ZNF441: variants seen among roughly 807,000 people sequenced by gnomAD.
ZNF441 encodes zinc finger protein 441.
ZNF441 carries 25 observed loss-of-function variants against 64.5 expected under a neutral mutation model. The observed-to-expected ratio is 0.39, with a 90% CI of 0.28 to 0.54. ZNF441 has a LOEUF of 0.54. Among genes scored for constraint, ZNF441 ranks in the 20% least tolerant of loss-of-function variants. ZNF441 has a pLI of 0.70. For synonymous variants in ZNF441, 262 were observed against 268.0 expected, an observed-to-expected ratio of 0.98 and a Z score of 0.22; for missense variants, 715 against 843.3, an observed-to-expected ratio of 0.85 and a Z score of 1.88.
At chr19:11,778,911 T>G (rs1322164037) in intron 3 of ZNF441, among the ~76,000 whole-genome samples, 1 of 152,240 alleles carries the variant, frequency 6.6e-6, no homozygotes, top group Non-Finnish European at 1.5e-5. Flanking sequence ...TATTAAGAAT[T>G]CCCATATGAA....
chr19:11,779,192 G>C (rs891604601), intron 3 of ZNF441, among the ~76,000 whole-genome samples: 10 of 151,802 alleles, frequency 6.6e-5, no homozygotes. Flanking sequence ...GGTGGCCTGT[G>C]CTTGTGGTTT....
At position 11,780,859 on chromosome 19, in the gene ZNF441, C is replaced by T. The variant is rs1432913211; in HGVS notation, c.1035C>T (p.Phe345=). 2.5e-6 allele frequency: 4 copies of T among 1,613,844 alleles called. No homozygotes were observed. The highest frequency in any genetic ancestry group is 2.2e-5 in the East Asian group (1 of 44,864). The change falls in exon 4 of 4, where the codon TTC becomes TTT. Residue 345 remains phenylalanine, a synonymous_variant. Coordinates refer to ENST00000357901, the MANE Select transcript of ZNF441 (RefSeq NM_152355.3). ...PYECKYCGKA[F]SDCTGFRRHM... ...AATGTAAGTATTGTGGGAAAGCATT[C>T]TCTGATTGCACAGGTTTTCGAAGAC... is the stretch of plus-strand genomic sequence containing the variant.
rs949193519 is a variant in ZNF441 at position 11,780,819 on chromosome 19, G to A, written c.995G>A (p.Gly332Glu). Residue 332 changes from glycine to glutamate, a missense_variant, in exon 4 of 4, where the codon GGA (glycine) becomes GAA (glutamate). By Grantham distance (98) the Gly-to-Glu change is moderately conservative. Coordinates refer to ENST00000357901, the MANE Select transcript of ZNF441 (RefSeq NM_152355.3). Reference sequence around the variant, plus strand: ...CGAAGACATAAAAGAACTCACACTGGAGAGAAACCGTATGAATGTAAGTAT... The same window carrying A: ...CGAAGACATAAAAGAACTCACACTGAAGAGAAACCGTATGAATGTAAGTAT... ...SVRRHKRTHTGEKPYECKYCG... is the reference protein window; with the variant it reads ...SVRRHKRTHTEEKPYECKYCG... The A allele has an allele frequency of 6.2e-7, 1 of 1,614,190 alleles. No homozygotes were observed. The highest frequency in any genetic ancestry group is 8.5e-7 in the Non-Finnish European group (1 of 1,180,032).
rs1224388338 is a variant in ZNF441 at position 11,777,483 on chromosome 19, A to C, written c.4-128A>C. On this transcript the variant is annotated intron_variant, in intron 1 of 3. Coordinates refer to ENST00000357901, the MANE Select transcript of ZNF441 (RefSeq NM_152355.3). ...AAAATGAGTGTAAAGAGAGAATAAGAGTGGGTTTACCATGTTCTTGAATAA... is the reference window on the plus strand; with the variant it reads ...AAAATGAGTGTAAAGAGAGAATAAGCGTGGGTTTACCATGTTCTTGAATAA... 2.5e-5 allele frequency: 25 copies of C among 987,162 alleles called. 1 individual carries two copies. In the South Asian group the frequency reaches 4.1e-4, roughly 16 times the overall value. 61.2% of individuals were successfully genotyped at this position (987,162 alleles called of 1,614,324 possible).
Position 11,780,397 on chromosome 19 carries a change from T to C in ZNF441, c.573T>C (p.His191=), listed in dbSNP as rs1290157651. The part of the protein sequence containing the change: ...ENLQRHMAAH[H]GDGPRICKLC... ...TTCAAAGACACATGGCAGCACACCA[T>C]GGAGATGGACCTCGTATATGTAAGT... Residue 191 remains histidine (H), a synonymous_variant, in exon 4 of 4, where the codon CAT becomes CAC. Coordinates refer to ENST00000357901, the MANE Select transcript of ZNF441 (RefSeq NM_152355.3). 3 of 1,614,238 alleles carry C rather than the reference T, an allele frequency of 1.9e-6. No homozygotes were observed. The highest frequency in any genetic ancestry group is 2.5e-6 in the Non-Finnish European group (3 of 1,180,036).
chr19:11,779,957 A>T, intron 3 of ZNF441, 62 bp from the exon 4 acceptor site: 1 of 1,304,674 alleles, frequency 7.7e-7, no homozygotes, highest in Non-Finnish European at 1.1e-6. Context: ...TAAATCCAAT[A>T]CTTATTAATA....
chr19:11,777,771 T>G, intron 2 of ZNF441, 34 bp downstream of exon 2: 1 of 1,586,224 alleles, frequency 6.3e-7, no homozygotes, highest in Non-Finnish European at 8.5e-7. Context: ...CTTAGTCAAT[T>G]AGAGACATTT....
chr19:11,777,930 C>T (rs1350554659), intron 2 of ZNF441, 193 bp downstream of exon 2: 9 of 510,080 alleles, frequency 1.8e-5, no homozygotes, highest in Non-Finnish European at 3.1e-5. Context: ...TTACTGGTAA[C>T]ATAAACAGTT....
intron 1 of ZNF441, among the ~76,000 whole-genome samples, chr19:11,768,790 G>A (rs192686327): frequency 6.6e-6 from 1 of 152,204 alleles, no homozygotes; most frequent in East Asian, 1.9e-4. Context: ...CTTCCTTGGG[G>A]ATATATGGCT....
intron 1 of ZNF441, among the ~76,000 whole-genome samples, chr19:11,774,372 T>A (rs2145080114): frequency 6.6e-6 from 1 of 152,328 alleles, no homozygotes; most frequent in East Asian, 1.9e-4. Flanking sequence ...AAATTTCTAA[T>A]CTATTTAATT....
chr19:11,773,894 T>A (rs2145079775), intron 1 of ZNF441, among the ~76,000 whole-genome samples: 1 of 152,294 alleles, frequency 6.6e-6, no homozygotes, highest in East Asian at 1.9e-4. Flanking sequence ...TTTTTTACTG[T>A]TGAATATAGG....
rs757759655 is a variant in ZNF441 at position 11,781,025 on chromosome 19, A to G, written c.1201A>G (p.Ser401Gly). 5.6e-6 allele frequency: 9 copies of G among 1,614,062 alleles called. No homozygotes were observed. In the Admixed American group the frequency reaches 1.3e-4, roughly 24 times the overall value. Residue 401 changes from serine (S) to glycine (G), a missense_variant, in exon 4 of 4, where the codon AGT (serine) becomes GGT (glycine). Ser to Gly is a moderately conservative substitution (Grantham distance 56). This residue lies in a region of ZNF441 where 316 missense variants were observed against 429.3 expected (regional missense o/e 0.74). Coordinates refer to ENST00000357901, the MANE Select transcript of ZNF441 (RefSeq NM_152355.3). Reference protein sequence around the residue: ...PYKCECGKAFSDFYYFRNHET... With the variant: ...PYKCECGKAFGDFYYFRNHET... ...TAAATGTGAATGTGGGAAAGCCTTT[A>G]GTGATTTCTATTACTTTCGAAATCA...
At position 11,767,031 on chromosome 19, in the gene ZNF441, C is replaced by G; in HGVS notation, c.-163C>G. 2 of 1,030,762 alleles carry G rather than the reference C, an allele frequency of 1.9e-6. No individual in the cohort carries two copies. Among genetic ancestry groups the G allele is most frequent in the South Asian group, 3.1e-5 (2 of 64,144 alleles). The allele number at this position is 1,030,762 out of a possible 1,614,324, so 63.9% of individuals were successfully genotyped here. A position where few individuals can be genotyped will look rare whatever the true frequency, so the allele number is the denominator to read the frequency against. ...CAGGCGCACTGACCGGAGGAGGGTG[C>G]AAGGTTCAAAGAGCCCGCCGAGTCT... On this transcript the variant is annotated 5_prime_UTR_variant, in exon 1 of 4. Transcript: ENST00000357901. The surrounding 1 kb of genome is among the most constrained non-coding windows in gnomAD (Gnocchi z 5.1).
At chr19:11,774,017 C>T (rs1975335873) in intron 1 of ZNF441, among the ~76,000 whole-genome samples, 2 of 152,054 alleles carry the variant, frequency 1.3e-5, no homozygotes. Flanking sequence ...TTTCTGCCTT[C>T]TTTCATTTTG....
At position 11,780,361 on chromosome 19, in the gene ZNF441, T is replaced by C. The variant is rs1252300281; in HGVS notation, c.537T>C (p.Ser179=). The part of the protein sequence containing the change: ...YDCKECASFS[S]LENLQRHMAA... ...GTAAGGAATGTGCAAGCTTCAGTTC[T>C]CTTGAAAACCTTCAAAGACACATGG... Residue 179 remains serine, a synonymous_variant, in exon 4 of 4, where the codon TCT becomes TCC. Coordinates refer to ENST00000357901, the MANE Select transcript of ZNF441 (RefSeq NM_152355.3). 1.9e-6 allele frequency: 3 copies of C among 1,614,228 alleles called. No individual in the cohort carries two copies. The South Asian group carries it at 3.3e-5, about 18-fold the overall frequency.
rs567941825 is a variant in ZNF441, at chr19:11,769,462, G to A, written c.3+2266G>A. ...TTTTCATTGGTTTATGTATCCATCA[G>A]TCTGCTAATATCATACTCTCCTGAT... On this transcript the variant is annotated intron_variant, in intron 1 of 3. Coordinates refer to ENST00000357901, the MANE Select transcript of ZNF441 (RefSeq NM_152355.3). 1.6e-4 allele frequency among the ~76,000 whole-genome samples: 24 copies of A among 152,216 alleles called. 1 individual carries two copies. The highest frequency in any genetic ancestry group is 5.5e-4 in the African/African-American group (23 of 41,550).
intron 1 of ZNF441, among the ~76,000 whole-genome samples, chr19:11,776,812 CT>C (rs35406332): frequency 0.32 from 46,194 of 146,122 alleles, 7,342 homozygotes; most frequent in Non-Finnish European, 0.38. Flanking sequence ...TGTTTTTTCC[CT>C]TTTTTTTTTT....
chr19:11,781,655 G>C lies in ZNF441; in HGVS notation c.1831G>C (p.Gly611Arg). The C allele has an allele frequency of 6.2e-7, 1 of 1,614,138 alleles. No homozygotes were observed. Among genetic ancestry groups the C allele is most frequent in the South Asian group, 1.1e-5 (1 of 91,082 alleles). The part of the protein sequence containing the change: ...SVQRHERTHT[G>R]EKPYECKECG... ...GCAAAGACATGAAAGAACTCACACT[G>C]GAGAGAAACCCTATGAATGCAAGGA... The change falls in exon 4 of 4, where the codon GGA (glycine) becomes CGA (arginine). Residue 611 changes from glycine to arginine, a missense_variant. By Grantham distance (125) the Gly-to-Arg change is moderately radical. Transcript: ENST00000357901.
At chr19:11,775,779 C>T (rs1975351031) in intron 1 of ZNF441, among the ~76,000 whole-genome samples, 1 of 151,818 alleles carries the variant, frequency 6.6e-6, no homozygotes. Flanking sequence ...AGGTGCCCGC[C>T]ACCACACCTG....
Sources: gnomAD v4.1 joint callset for allele counts (sites outside exome capture counted in the v4.1 genomes callset) on GRCh38, gnomAD v4.1.1 for gene constraint, gnomAD v4.1.1 regional missense constraint, Gnocchi (gnomAD v3.1) non-coding constraint, MANE v1.5 for transcripts, NCBI Gene and HGNC (gene_info 2026-07-23, HGNC 2026-07-21) for gene names.